The following ATP8A2 variants were observed in gnomAD, a reference collection of about 807,000 sequenced individuals.
ATP8A2 encodes the protein phospholipid-transporting ATPase IB.
A neutral mutation model predicts 165.6 loss-of-function variants in ATP8A2; 100 were observed. The ratio of observed to expected loss-of-function variants is 0.60; its 90% CI spans 0.51 to 0.71. The LOEUF (loss-of-function observed/expected upper bound fraction) is 0.71. Ranked by LOEUF, ATP8A2 falls within the 30% of genes least tolerant of loss-of-function variation. ATP8A2 has a pLI of 0.00. For synonymous variants in ATP8A2, 543 were observed against 548.8 expected (o/e 0.99, Z 0.15); for missense variants, 1,227 against 1,479.5 (o/e 0.83, Z 2.80).
At chr13:25,569,733 G>A (rs1275597588) in intron 16 of ATP8A2, among the ~76,000 whole-genome samples, 1 of 152,186 alleles carries the variant, frequency 6.6e-6, no homozygotes, top group Non-Finnish European at 1.5e-5. Flanking sequence ...ACTAGTAGGA[G>A]CTCAGTGACA....
intron 24 of ATP8A2, among the ~76,000 whole-genome samples, chr13:25,660,071 A>C (rs1469389761): frequency 6.6e-6 from 1 of 152,188 alleles, no homozygotes; most frequent in Admixed American, 6.5e-5. Flanking sequence ...CAGGCCCTTT[A>C]TGTTGGACAA....
At chr13:25,653,139 G>C (rs1024661592) in intron 24 of ATP8A2, among the ~76,000 whole-genome samples, 1 of 152,122 alleles carries the variant, frequency 6.6e-6, no homozygotes, top group Non-Finnish European at 1.5e-5. Flanking sequence ...TTTGTCTATG[G>C]TGTAAGGAAG....
rs965556835 is a variant in ATP8A2 at position 25,721,240 on chromosome 13, A to G, written c.2384+21895A>G. ...TTTTCAATAACAGTTTTGTTGAGTTACAGTCCATATACTAAATAACTCAGC... is the reference window on the plus strand; with the variant it reads ...TTTTCAATAACAGTTTTGTTGAGTTGCAGTCCATATACTAAATAACTCAGC... On this transcript the variant is annotated intron_variant, in intron 25 of 36. Coordinates refer to ENST00000381655, the MANE Select transcript of ATP8A2 (RefSeq NM_016529.6). 2.0e-5 allele frequency among the ~76,000 whole-genome samples: 3 copies of G among 151,112 alleles called. No individual in the cohort carries two copies. The South Asian group carries it at 6.2e-4, about 31-fold the overall frequency.
At chr13:25,686,245 G>T (rs761860462) in intron 24 of ATP8A2, among the ~76,000 whole-genome samples, 14 of 152,168 alleles carry the variant, frequency 9.2e-5, no homozygotes, top group Non-Finnish European at 1.5e-4. Flanking sequence ...GTTTTGTCCT[G>T]TTGGAAATCA....
chr13:25,579,712 A>C (rs1036353915), intron 21 of ATP8A2, 96 bp from the exon 22 acceptor site: 1 of 1,442,178 alleles, frequency 6.9e-7, no homozygotes, highest in Non-Finnish European at 9.6e-7. Context: ...AGTCTCTTCA[A>C]TTTTTTTGGG....
chr13:25,744,685 C>T lies in ATP8A2; in HGVS notation c.2385-24361C>T, dbSNP rs146823498. Among the ~76,000 whole-genome samples, 536 of 152,168 alleles carry T rather than the reference C, an allele frequency of 3.5e-3. 2 individuals are homozygous for T. Among genetic ancestry groups the T allele is most frequent in the Non-Finnish European group, 5.7e-3 (385 of 68,018 alleles). On this transcript the variant is annotated intron_variant, in intron 25 of 36. Transcript: ENST00000381655. ...AGATGTTGGTTAGAATTCTCAATAG[C>T]CACTGGGGTGATAGGAACCTGCCTC...
intron 1 of ATP8A2, among the ~76,000 whole-genome samples, chr13:25,383,751 A>G (rs1366492231): frequency 1.3e-5 from 2 of 152,132 alleles, no homozygotes; most frequent in Admixed American, 6.5e-5. Flanking sequence ...CAATGGCTAG[A>G]GTTTATTAGT....
At chr13:25,969,930 G>A (rs78923732) in intron 35 of ATP8A2, among the ~76,000 whole-genome samples, 1,638 of 152,260 alleles carry the variant, frequency 0.011, 38 homozygotes, top group African/African-American at 0.038. Flanking sequence ...CCATCAGACA[G>A]CTGAGGCATA....
intron 1 of ATP8A2, among the ~76,000 whole-genome samples, chr13:25,407,727 C>T (rs150733715): frequency 2.7e-4 from 41 of 152,290 alleles, no homozygotes; most frequent in Middle Eastern, 3.4e-3. Context: ...TGGATTAAAA[C>T]TGAAGAGGAT....
At chr13:25,902,030 T>C (rs1329108939) in intron 33 of ATP8A2, among the ~76,000 whole-genome samples, 1 of 152,200 alleles carries the variant, frequency 6.6e-6, no homozygotes, top group African/African-American at 2.4e-5. Flanking sequence ...TCGGGATCCA[T>C]TAAGTAGCCT....
At chr13:25,852,777 G>A (rs995760472) in intron 30 of ATP8A2, among the ~76,000 whole-genome samples, 5 of 151,900 alleles carry the variant, frequency 3.3e-5, no homozygotes, top group Non-Finnish European at 5.9e-5. Context: ...AGGAGTTCGC[G>A]GCCAGCCTGA....
At chr13:25,952,774 C>T (rs7335092) in intron 33 of ATP8A2, among the ~76,000 whole-genome samples, 142,837 of 152,224 alleles carry the variant, frequency 0.94, 67,695 homozygotes, top group East Asian at 1. Context: ...CACACCTGCA[C>T]CTCAGCCAAG....
chr13:25,447,760 G>A (rs1370408029), intron 1 of ATP8A2, among the ~76,000 whole-genome samples: 1 of 152,208 alleles, frequency 6.6e-6, no homozygotes, highest in Admixed American at 6.5e-5. Context: ...GAAGAATCAG[G>A]TCACATGGAC....
intron 23 of ATP8A2, among the ~76,000 whole-genome samples, chr13:25,582,984 G>C (rs1048273070): frequency 3.3e-5 from 5 of 152,220 alleles, no homozygotes; most frequent in Admixed American, 6.5e-5. Context: ...AGTAACATAG[G>C]ATTCATAAAC....
At chr13:25,737,740 T>C (rs965436108) in intron 25 of ATP8A2, among the ~76,000 whole-genome samples, 6 of 152,248 alleles carry the variant, frequency 3.9e-5, no homozygotes, top group Non-Finnish European at 7.3e-5. Context: ...TGGAGTGCAG[T>C]AGCGCGATCT....
At chr13:25,930,514 C>T (rs996482263) in intron 33 of ATP8A2, among the ~76,000 whole-genome samples, 7 of 152,306 alleles carry the variant, frequency 4.6e-5, no homozygotes, top group Admixed American at 2.0e-4. Flanking sequence ...AATACTACCT[C>T]GTGAGGGAAT....
chr13:25,929,210 T>C (rs189767), intron 33 of ATP8A2, among the ~76,000 whole-genome samples: 131,665 of 152,066 alleles, frequency 0.87, 57,092 homozygotes, highest in East Asian at 0.99. Context: ...CAGAGTGGGC[T>C]GGAGAGCACC....
chr13:25,504,442 T>TTTA (rs2036959713), intron 2 of ATP8A2, among the ~76,000 whole-genome samples: 1 of 129,900 alleles, frequency 7.7e-6, no homozygotes, highest in South Asian at 2.4e-4. Flanking sequence ...TTTTTTTTTT[T>TTTA]AAAAAGTATA....
At chr13:25,958,178 TG>T (rs926766468) in intron 33 of ATP8A2, among the ~76,000 whole-genome samples, 14 of 151,944 alleles carry the variant, frequency 9.2e-5, no homozygotes, top group African/African-American at 3.1e-4. Context: ...AAATACCTAA[TG>T]CTAGGTATTT....
Sources: gnomAD v4.1 joint callset for allele counts (sites outside exome capture counted in the v4.1 genomes callset) on GRCh38, gnomAD v4.1.1 for gene constraint, MANE v1.5 for transcripts, NCBI Gene and HGNC (gene_info 2026-07-23, HGNC 2026-07-21) for gene names.